The following ARMC8 variants were observed in gnomAD, a reference collection of about 807,000 sequenced individuals.
The protein encoded by ARMC8 is armadillo repeat-containing protein 8.
In ARMC8, 20 loss-of-function variants were observed where a neutral mutation model predicts 99.3. The ratio of observed to expected loss-of-function variants is 0.20; its 90% CI spans 0.14 to 0.29. The LOEUF (loss-of-function observed/expected upper bound fraction) is 0.29, where lower values mean the gene tolerates loss of function less well. Among genes scored for constraint, ARMC8 ranks in the 10% least tolerant of loss-of-function variants. The pLI is 1.00. For synonymous variants in ARMC8, 263 were observed against 278.3 expected, an observed-to-expected ratio of 0.95 and a Z score of 0.55; for missense variants, 569 against 809.5, an observed-to-expected ratio of 0.70 and a Z score of 3.60.
At chr3:138,239,557 G>T (rs763244158) in intron 10 of ARMC8, 29 bp downstream of exon 10, 3 of 1,439,582 alleles carry the variant, frequency 2.1e-6, no homozygotes, top group Non-Finnish European at 2.9e-6. Flanking sequence ...TTTAAAATGT[G>T]AAAATTATCC....
intron 12 of ARMC8, chr3:138,246,070 A>C: frequency 1.0e-6 from 1 of 985,422 alleles, no homozygotes; most frequent in Non-Finnish European, 1.2e-6. Flanking sequence ...GAGAAATCAC[A>C]AAGTATTAGA....
chr3:138,247,537 C>T (rs1382620906), intron 12 of ARMC8, among the ~76,000 whole-genome samples: 1 of 152,092 alleles, frequency 6.6e-6, no homozygotes, highest in African/African-American at 2.4e-5. Flanking sequence ...AAAATGAGAA[C>T]ATAATTCAAT....
At position 138,290,587 on chromosome 3, in the gene ARMC8, G is replaced by A. The variant is rs773224706; in HGVS notation, c.1936G>A (p.Val646Ile). 49 of 1,607,518 alleles carry A rather than the reference G, an allele frequency of 3.0e-5. No individual in the cohort carries two copies. The highest frequency in any genetic ancestry group is 1.6e-4 in the Middle Eastern group (1 of 6,080). The change falls in exon 21 of 22, where the codon GTA becomes ATA. Residue 646 changes from valine (V) to isoleucine (I), a missense_variant. Around this residue, in one of 2 missense-constraint regions of ARMC8, gnomAD observed 227 missense variants for 417.9 expected, o/e 0.54. Coordinates refer to ENST00000469044, the MANE Select transcript of ARMC8 (RefSeq NM_001363941.2). ...GGATAAATTACGAGACATGGGCATCGTAGATATTCTACACAAACTGAGTCA... is the reference window on the plus strand; with the variant it reads ...GGATAAATTACGAGACATGGGCATCATAGATATTCTACACAAACTGAGTCA... ...RQDKLRDMGIVDILHKLSQSP... is the reference protein window; with the variant it reads ...RQDKLRDMGIIDILHKLSQSP...
At chr3:138,236,533 C>A (rs1017786288) in intron 7 of ARMC8, among the ~76,000 whole-genome samples, 1 of 152,190 alleles carries the variant, frequency 6.6e-6, no homozygotes, top group South Asian at 2.1e-4. Flanking sequence ...GCTGTATTAC[C>A]AAAGTGCCAT....
At chr3:138,278,294 G>A (rs1171120582) in intron 18 of ARMC8, among the ~76,000 whole-genome samples, 1 of 151,966 alleles carries the variant, frequency 6.6e-6, no homozygotes. Flanking sequence ...ATCACTTGAG[G>A]TCAGAAGTTC....
chr3:138,291,044 C>T (rs890418049), intron 21 of ARMC8, among the ~76,000 whole-genome samples: 2 of 152,218 alleles, frequency 1.3e-5, no homozygotes, highest in Admixed American at 6.5e-5. Flanking sequence ...GATACAAAAG[C>T]TACCACTAAG....
At chr3:138,218,546 CCTGA>C (rs113346717) in intron 2 of ARMC8, among the ~76,000 whole-genome samples, 4 of 152,270 alleles carry the variant, frequency 2.6e-5, no homozygotes, top group African/African-American at 9.6e-5. Flanking sequence ...TTATCCAAGT[CCTGA>C]CTATTGTCTA....
In ARMC8 at chr3:138,210,765, C is replaced by G. The variant is rs556407928; in HGVS notation, c.122+872C>G. On this transcript the variant is annotated intron_variant, in intron 2 of 21. Coordinates refer to ENST00000469044, the MANE Select transcript of ARMC8 (RefSeq NM_001363941.2). ...GCTTAGCCATGGCAAGGCTGGGATGCTTTGTTTATACAAGTTTCTTCGGAC... is the reference window on the plus strand; with the variant it reads ...GCTTAGCCATGGCAAGGCTGGGATGGTTTGTTTATACAAGTTTCTTCGGAC... Among the ~76,000 whole-genome samples the G allele has an allele frequency of 3.3e-5, 5 of 152,152 alleles. No homozygotes were observed. The East Asian group carries it at 9.7e-4, about 29-fold the overall frequency.
At chr3:138,224,427 A>C (rs753354644) in intron 5 of ARMC8, among the ~76,000 whole-genome samples, 3 of 152,192 alleles carry the variant, frequency 2.0e-5, no homozygotes, top group Non-Finnish European at 4.4e-5. Context: ...AGGTGACAGA[A>C]TGAGATCCTC....
intron 6 of ARMC8, among the ~76,000 whole-genome samples, chr3:138,231,961 CTTTTTTTTTTTTTTT>C (rs61298993): frequency 1.4e-4 from 8 of 58,630 alleles, no homozygotes; most frequent in Non-Finnish European, 1.9e-4. Flanking sequence ...CTTGCAATTG[CTTTTTTTTTTTTTTT>C]TTTTTTTTTT....
intron 12 of ARMC8, among the ~76,000 whole-genome samples, chr3:138,252,485 G>T (rs1312752073): frequency 7.2e-6 from 1 of 139,462 alleles, no homozygotes. Flanking sequence ...ACGGGGTCTC[G>T]CACTGTCGCC....
chr3:138,276,605 G>T (rs547991777), intron 18 of ARMC8, among the ~76,000 whole-genome samples: 1 of 152,262 alleles, frequency 6.6e-6, no homozygotes, highest in South Asian at 2.1e-4. Flanking sequence ...GATAGAAAAG[G>T]CAGTTGTATT....
chr3:138,187,566 G>T lies in ARMC8; in HGVS notation c.12G>T (p.Leu4Phe). 1 of 1,535,898 alleles carries T rather than the reference G, an allele frequency of 6.5e-7. No homozygotes were observed. Among genetic ancestry groups the T allele is most frequent in the Non-Finnish European group, 8.7e-7 (1 of 1,146,740 alleles). Residue 4 changes from leucine to phenylalanine, a missense_variant, in exon 1 of 22, where the codon TTG becomes TTT. Physicochemically the swap from Leu to Phe is conservative, Grantham distance 22. Around this residue, in one of 2 missense-constraint regions of ARMC8, gnomAD observed 342 missense variants for 391.6 expected, o/e 0.87. Transcript: ENST00000469044. ...TGGGAAGGCTCAAGATGGCGTGCTT[G>T]TTGGAGACCCCAATCCGCATGAGCG... MACLLETPIRMSVL... is the reference protein window; with the variant it reads MACFLETPIRMSVL...
intron 17 of ARMC8, 27 bp downstream of exon 17, chr3:138,273,143 A>C (rs2048942415): frequency 6.3e-7 from 1 of 1,599,242 alleles, no homozygotes; most frequent in East Asian, 2.2e-5. Context: ...AGGCTTCCAA[A>C]TTAGCTAGCC....
At chr3:138,194,234 A>G (rs532910728) in intron 1 of ARMC8, among the ~76,000 whole-genome samples, 333 of 149,400 alleles carry the variant, frequency 2.2e-3, no homozygotes, top group Non-Finnish European at 3.7e-3. Flanking sequence ...TAGTAGAGAC[A>G]GGGTTTCACT....
chr3:138,224,670 G>T (rs1279083772), intron 5 of ARMC8, among the ~76,000 whole-genome samples: 1 of 152,176 alleles, frequency 6.6e-6, no homozygotes, highest in Non-Finnish European at 1.5e-5. Flanking sequence ...AAAATCACTT[G>T]AACCCAGGAG....
At chr3:138,199,342 T>G (rs555630736) in intron 1 of ARMC8, among the ~76,000 whole-genome samples, 2 of 152,172 alleles carry the variant, frequency 1.3e-5, no homozygotes, top group Non-Finnish European at 2.9e-5. Context: ...TCTTGGGTTT[T>G]GGATAGTATT....
intron 13 of ARMC8, 136 bp from the exon 14 acceptor site, chr3:138,263,995 A>T: frequency 1.0e-6 from 1 of 955,402 alleles, no homozygotes. Context: ...AAACCCCATA[A>T]AGTGGTCTGA....
intron 12 of ARMC8, among the ~76,000 whole-genome samples, chr3:138,251,306 GCATTTAAAGGGCACAGCAT>G (rs2047114292): frequency 1.3e-5 from 2 of 152,094 alleles, no homozygotes; most frequent in Non-Finnish European, 2.9e-5. Flanking sequence ...TTCTAAATGG[GCATTTAAAGGGCACAGCAT>G]CAAAATTTTG....
Sources: gnomAD v4.1 joint callset for allele counts (sites outside exome capture counted in the v4.1 genomes callset) on GRCh38, gnomAD v4.1.1 for gene constraint, gnomAD v4.1.1 regional missense constraint, MANE v1.5 for transcripts, NCBI Gene and HGNC (gene_info 2026-07-23, HGNC 2026-07-21) for gene names.